The following NBAS variants were observed in gnomAD, a reference collection of about 807,000 sequenced individuals.
The protein encoded by NBAS is NBAS subunit of NRZ tethering complex.
A neutral mutation model predicts 302.5 loss-of-function variants in NBAS; 219 were observed. The ratio of observed to expected loss-of-function variants is 0.72; its 90% CI spans 0.65 to 0.81. NBAS has a LOEUF of 0.81. Ranked by LOEUF, NBAS falls within the 30% of genes least tolerant of loss-of-function variation. The pLI is 0.00. For synonymous variants in NBAS, 1,118 were observed against 1,021.6 expected, an observed-to-expected ratio of 1.09 and a Z score of -1.80; for missense variants, 2,932 against 2,841.6, an observed-to-expected ratio of 1.03 and a Z score of -0.72.
At chr2:15,206,145 G>A (rs999326488) in intron 48 of NBAS, among the ~76,000 whole-genome samples, 5 of 152,160 alleles carry the variant, frequency 3.3e-5, no homozygotes, top group Admixed American at 2.0e-4. Flanking sequence ...AATGAAATCC[G>A]GGCTGAGGTG....
the NBAS span, among the ~76,000 whole-genome samples, chr2:15,132,743 TAA>T: frequency 6.6e-6 from 1 of 150,736 alleles, no homozygotes; most frequent in Non-Finnish European, 1.5e-5. Context: ...AAAACTGCTC[TAA>T]AAAAAAAGTC....
At chr2:15,294,238 A>T (rs981815359) in intron 40 of NBAS, among the ~76,000 whole-genome samples, 1 of 152,328 alleles carries the variant, frequency 6.6e-6, no homozygotes, top group East Asian at 1.9e-4. Flanking sequence ...CAAAGAGTTA[A>T]TGTCTAGGTT....
intron 49 of NBAS, 36 bp downstream of exon 49, chr2:15,190,228 G>T: frequency 6.2e-7 from 1 of 1,611,604 alleles, no homozygotes. Context: ...CCAAACAAAA[G>T]AACTCTAATT....
At chr2:15,382,579 G>A (rs1675093020) in intron 29 of NBAS, among the ~76,000 whole-genome samples, 1 of 152,128 alleles carries the variant, frequency 6.6e-6, no homozygotes, top group Admixed American at 6.6e-5. Context: ...TGCAAAGTGA[G>A]GGAAACATGA....
At chr2:15,124,540 G>A in the NBAS span, among the ~76,000 whole-genome samples, 12 of 152,174 alleles carry the variant, frequency 7.9e-5, no homozygotes, top group Non-Finnish European at 1.5e-4. Context: ...TGGGAAGAAA[G>A]ATCTCAAAGA....
chr2:14,838,497 C>T, the NBAS span, among the ~76,000 whole-genome samples: 1 of 152,074 alleles, frequency 6.6e-6, no homozygotes, highest in Admixed American at 6.6e-5. Context: ...CTAAGCATCA[C>T]TATTTCAAAG....
chr2:14,883,907 A>G, the NBAS span, among the ~76,000 whole-genome samples: 2 of 151,766 alleles, frequency 1.3e-5, no homozygotes, highest in African/African-American at 2.4e-5. Flanking sequence ...ACTGCAGTGA[A>G]CCATCAGTGA....
chr2:15,375,801 C>T (rs1405310960), intron 30 of NBAS, among the ~76,000 whole-genome samples: 1 of 151,104 alleles, frequency 6.6e-6, no homozygotes, highest in Non-Finnish European at 1.5e-5. Context: ...GAAAGCATAC[C>T]AAATCAGGAA....
the NBAS span, among the ~76,000 whole-genome samples, chr2:15,063,547 C>A: frequency 6.6e-6 from 1 of 152,068 alleles, no homozygotes; most frequent in African/African-American, 2.4e-5. Flanking sequence ...TCCCAAAATT[C>A]ATATGTTGAA....
the NBAS span, among the ~76,000 whole-genome samples, chr2:14,891,842 C>T: frequency 6.6e-6 from 1 of 152,168 alleles, no homozygotes; most frequent in Admixed American, 6.5e-5. Context: ...TTTACCTTCA[C>T]CACATTCTAC....
the NBAS span, among the ~76,000 whole-genome samples, chr2:15,108,183 T>C: frequency 6.6e-6 from 1 of 152,180 alleles, no homozygotes; most frequent in Non-Finnish European, 1.5e-5. Flanking sequence ...TATGTTTTCA[T>C]TTCTCTAAGG....
At chr2:15,344,132 A>T (rs1376750826) in intron 35 of NBAS, among the ~76,000 whole-genome samples, 2 of 152,040 alleles carry the variant, frequency 1.3e-5, no homozygotes, top group African/African-American at 4.8e-5. Context: ...CACATGAAAA[A>T]AAAAGAGTTC....
chr2:14,929,228 T>C, the NBAS span, among the ~76,000 whole-genome samples: 2 of 152,312 alleles, frequency 1.3e-5, no homozygotes, highest in East Asian at 3.9e-4. Context: ...AGGTAAGTCT[T>C]ACATGCTCTA....
chr2:15,250,574 G>A (rs1668317192), intron 44 of NBAS, among the ~76,000 whole-genome samples: 2 of 152,008 alleles, frequency 1.3e-5, no homozygotes, highest in South Asian at 4.1e-4. Context: ...TCTGACACAG[G>A]GCTAATATCC....
intron 9 of NBAS, among the ~76,000 whole-genome samples, chr2:15,512,891 CCT>C (rs1662211113): frequency 6.6e-6 from 1 of 152,134 alleles, no homozygotes; most frequent in Admixed American, 6.6e-5. Flanking sequence ...TGAATATATA[CCT>C]TTTTTCTTTC....
At chr2:15,412,833 T>A (rs1676744674) in intron 25 of NBAS, among the ~76,000 whole-genome samples, 1 of 148,402 alleles carries the variant, frequency 6.7e-6, no homozygotes, top group South Asian at 2.2e-4. Flanking sequence ...CACAAAAAAA[T>A]TTTCCAAACC....
At chr2:15,387,477 G>A (rs894732667) in intron 28 of NBAS, among the ~76,000 whole-genome samples, 11 of 152,016 alleles carry the variant, frequency 7.2e-5, no homozygotes, top group Non-Finnish European at 4.4e-5. Flanking sequence ...TGACAATATA[G>A]AAAGAGACAA....
chr2:15,149,718 T>C, the NBAS span, among the ~76,000 whole-genome samples: 2 of 152,150 alleles, frequency 1.3e-5, no homozygotes, highest in African/African-American at 4.8e-5. Flanking sequence ...TACCTCAGCC[T>C]CCTATAGTGC....
intron 28 of NBAS, among the ~76,000 whole-genome samples, chr2:15,383,753 C>A (rs1196982724): frequency 6.6e-6 from 1 of 152,212 alleles, no homozygotes; most frequent in Admixed American, 6.5e-5. Flanking sequence ...TTGACTTCAA[C>A]TGAACATTCA....
Sources: gnomAD v4.1 joint callset for allele counts (sites outside exome capture counted in the v4.1 genomes callset) on GRCh38, gnomAD v4.1.1 for gene constraint, MANE v1.5 for transcripts, NCBI Gene and HGNC (gene_info 2026-07-23, HGNC 2026-07-21) for gene names.